Variants in CDK5R1 observed in about 807,000 individuals in gnomAD.
CDK5R1 encodes cyclin-dependent kinase 5 activator 1.
A neutral mutation model predicts 19.0 loss-of-function variants in CDK5R1; 1 was observed. That is an observed-to-expected ratio of 0.05 (90% CI 0.02 to 0.25). The LOEUF (loss-of-function observed/expected upper bound fraction) is 0.25, where lower values mean the gene tolerates loss of function less well. Among genes scored for constraint, CDK5R1 ranks in the 10% least tolerant of loss-of-function variants. The pLI, the probability that CDK5R1 is intolerant of heterozygous loss-of-function variation, is 1.00. For missense variants in CDK5R1, 314 were observed against 401.0 expected (o/e 0.78, Z 1.85); for synonymous variants, 225 against 187.7 (o/e 1.20, Z -1.62).
Position 32,487,471 on chromosome 17 carries a change from TC to T in CDK5R1, c.-145-3del, listed in dbSNP as rs1266967467. The T allele has an allele frequency of 8.5e-6, 5 of 587,134 alleles. No individual in the cohort carries two copies. Among genetic ancestry groups the T allele is most frequent in the Admixed American group, 6.8e-5 (2 of 29,312 alleles). 36.4% of individuals were successfully genotyped at this position (587,134 alleles called of 1,614,324 possible). ...CCTGGCGCTAAGAACCATCTTGTTT[TC>T]CAGGCAGATCCAAGGGGGCAGCACG... On this transcript the variant is annotated splice_region_variant and splice_polypyrimidine_tract_variant and intron_variant, in intron 1 of 1. Coordinates refer to ENST00000313401, the MANE Select transcript of CDK5R1 (RefSeq NM_003885.3). The surrounding 1 kb of genome is among the most constrained non-coding windows in gnomAD (Gnocchi z 7.9).
Position 32,489,106 on chromosome 17 carries a change from A to G in CDK5R1, c.*562A>G. ...TGGAAAGATTGTGTCTGGTCGTTTGACCACACACCGCCCTGATTTGCTGTT... is the reference window on the plus strand; with the variant it reads ...TGGAAAGATTGTGTCTGGTCGTTTGGCCACACACCGCCCTGATTTGCTGTT... On this transcript the variant is annotated 3_prime_UTR_variant, in exon 2 of 2. Transcript: ENST00000313401. 2.1e-6 allele frequency: 1 copy of G among 470,318 alleles called. No homozygotes were observed. The highest frequency in any genetic ancestry group is 4.4e-6 in the Non-Finnish European group (1 of 226,696). The allele number at this position is 470,318 out of a possible 1,614,324, so 29.1% of individuals were successfully genotyped here.
rs1192463903 is a variant in CDK5R1, at chr17:32,487,734, C to T, written c.114C>T (p.Asp38=). Residue 38 remains aspartate, a synonymous_variant, in exon 2 of 2, where the codon GAC becomes GAT. Transcript: ENST00000313401. The surrounding 1 kb of genome is among the most constrained non-coding windows in gnomAD (Gnocchi z 7.9). ...TAVQNSKNAK[D]KNLKRHSIIS... is the part of the protein sequence containing the mutation. ...TACAGAACAGCAAGAACGCCAAGGA[C>T]AAGAACCTGAAGCGCCACTCCATCA... 4 of 1,613,960 alleles carry T rather than the reference C, an allele frequency of 2.5e-6. No individual in the cohort carries two copies. The African/African-American group carries it at 5.3e-5, about 22-fold the overall frequency.
chr17:32,487,587 G>A lies in CDK5R1; in HGVS notation c.-34G>A. On this transcript the variant is annotated 5_prime_UTR_variant, in exon 2 of 2. Coordinates refer to ENST00000313401, the MANE Select transcript of CDK5R1 (RefSeq NM_003885.3). The surrounding 1 kb of genome is among the most constrained non-coding windows in gnomAD (Gnocchi z 7.9). ...TCCGGCCGGCAGGCTGGGCGCGCAG[G>A]GGCGCGAGCCCCCGCCCGGCGCGCA... 2 of 1,576,246 alleles carry A rather than the reference G, an allele frequency of 1.3e-6. No homozygotes were observed. The highest frequency in any genetic ancestry group is 1.7e-6 in the Non-Finnish European group (2 of 1,159,968).
Position 32,489,438 on chromosome 17 carries a change from C to G in CDK5R1, c.*894C>G. On this transcript the variant is annotated 3_prime_UTR_variant, in exon 2 of 2. Coordinates refer to ENST00000313401, the MANE Select transcript of CDK5R1 (RefSeq NM_003885.3). ...AGGGATGCCATACCTTGAGACCAAG[C>G]CGGTGCCCACCTAAGGGCTAAGGCC... 2.6e-6 allele frequency: 1 copy of G among 388,816 alleles called. No homozygotes were observed. 24.1% of individuals were successfully genotyped at this position (388,816 alleles called of 1,614,324 possible).
At position 32,487,876 on chromosome 17, in the gene CDK5R1, C is replaced by G; in HGVS notation, c.256C>G (p.Leu86Val). ...NNITHLNNENLKKSLSCANLS... is the reference protein window; with the variant it reads ...NNITHLNNENVKKSLSCANLS... The stretch of plus-strand genomic sequence containing the variant: ...CATCACGCACCTCAACAATGAGAAC[C>G]TGAAGAAGTCGCTGTCGTGCGCCAA... The change falls in exon 2 of 2, where the codon CTG becomes GTG. Residue 86 changes from leucine to valine, a missense_variant. Physicochemically the swap from Leu to Val is conservative, Grantham distance 32. Transcript: ENST00000313401. The surrounding 1 kb of genome is among the most constrained non-coding windows in gnomAD (Gnocchi z 7.9). 6.2e-7 allele frequency: 1 copy of G among 1,613,954 alleles called. No individual in the cohort carries two copies. Among genetic ancestry groups the G allele is most frequent in the Non-Finnish European group, 8.5e-7 (1 of 1,180,018 alleles).
Position 32,488,395 on chromosome 17 carries a change from G to A in CDK5R1, c.775G>A (p.Asp259Asn). 1 of 1,613,980 alleles carries A rather than the reference G, an allele frequency of 6.2e-7. No homozygotes were observed. Among genetic ancestry groups the A allele is most frequent in the East Asian group, 2.2e-5 (1 of 44,868 alleles). Reference sequence around the variant, plus strand: ...GGAGAGCTGCAAGGAGGCCTTTTGGGACCGTTGCCTCTCTGTCATCAACCT... The same window carrying A: ...GGAGAGCTGCAAGGAGGCCTTTTGGAACCGTTGCCTCTCTGTCATCAACCT... ...LVESCKEAFW[D>N]RCLSVINLMS... Residue 259 changes from aspartate (D) to asparagine (N), a missense_variant, in exon 2 of 2, where the codon GAC (aspartate) becomes AAC (asparagine). Coordinates refer to ENST00000313401, the MANE Select transcript of CDK5R1 (RefSeq NM_003885.3).
Position 32,488,413 on chromosome 17 carries a change from A to G in CDK5R1, c.793A>G (p.Ile265Val). 3 of 1,613,972 alleles carry G rather than the reference A, an allele frequency of 1.9e-6. No individual in the cohort carries two copies. The highest frequency in any genetic ancestry group is 2.5e-6 in the Non-Finnish European group (3 of 1,179,992). Residue 265 changes from isoleucine to valine, a missense_variant, in exon 2 of 2, where the codon ATC (isoleucine) becomes GTC (valine). Coordinates refer to ENST00000313401, the MANE Select transcript of CDK5R1 (RefSeq NM_003885.3). Reference protein sequence around the residue: ...EAFWDRCLSVINLMSSKMLQI... With the variant: ...EAFWDRCLSVVNLMSSKMLQI... The stretch of plus-strand genomic sequence containing the variant: ...CTTTTGGGACCGTTGCCTCTCTGTC[A>G]TCAACCTCATGAGCTCAAAGATGCT...
Position 32,487,160 on chromosome 17 carries a change from CG to C in CDK5R1, c.-146+1del, listed in dbSNP as rs1449989015. The C allele has an allele frequency of 6.8e-6, 1 of 146,920 alleles. No individual in the cohort carries two copies. Among genetic ancestry groups the C allele is most frequent in the Admixed American group, 6.8e-5 (1 of 14,796 alleles). 9.1% of individuals were successfully genotyped at this position (146,920 alleles called of 1,614,324 possible). On this transcript the variant is annotated splice_region_variant and 5_prime_UTR_variant, in exon 1 of 2. Coordinates refer to ENST00000313401, the MANE Select transcript of CDK5R1 (RefSeq NM_003885.3). This position sits in a 1 kb window ranked among gnomAD's most constrained non-coding sequence, Gnocchi z 7.9. ...GCGGAGCGCAGGAGCTGCCGCCTGC[CG>C]GGTAAGCCTGCGCTGGGCGGCCGTC...
rs372155940 is a variant in CDK5R1 at position 32,487,596 on chromosome 17, C to T, written c.-25C>T. On this transcript the variant is annotated 5_prime_UTR_variant, in exon 2 of 2. Coordinates refer to ENST00000313401, the MANE Select transcript of CDK5R1 (RefSeq NM_003885.3). The surrounding 1 kb of genome is among the most constrained non-coding windows in gnomAD (Gnocchi z 7.9). ...CAGGCTGGGCGCGCAGGGGCGCGAGCCCCCGCCCGGCGCGCAGCAGCACCA... is the reference window on the plus strand; with the variant it reads ...CAGGCTGGGCGCGCAGGGGCGCGAGTCCCCGCCCGGCGCGCAGCAGCACCA... 17 of 1,591,804 alleles carry T rather than the reference C, an allele frequency of 1.1e-5. No individual in the cohort carries two copies. The highest frequency in any genetic ancestry group is 2.2e-5 in the East Asian group (1 of 44,472).
chr17:32,487,020 G>C lies in CDK5R1; in HGVS notation c.-288G>C, dbSNP rs1908688471. On this transcript the variant is annotated 5_prime_UTR_variant, in exon 1 of 2. Transcript: ENST00000313401. The surrounding 1 kb of genome is among the most constrained non-coding windows in gnomAD (Gnocchi z 7.9). ...AAGCTCCCTAGCTGCCGCCGCCGCCGCCGCCGCCGTCGCCGCCGCCGAGCG... is the reference window on the plus strand; with the variant it reads ...AAGCTCCCTAGCTGCCGCCGCCGCCCCCGCCGCCGTCGCCGCCGCCGAGCG... 1 of 154,974 alleles carries C rather than the reference G, an allele frequency of 6.5e-6. No individual in the cohort carries two copies. Among genetic ancestry groups the C allele is most frequent in the African/African-American group, 2.5e-5 (1 of 40,734 alleles). The allele number at this position is 154,974 out of a possible 1,614,324, so 9.6% of individuals were successfully genotyped here.
Position 32,489,335 on chromosome 17 carries a change from T to G in CDK5R1, c.*791T>G, listed in dbSNP as rs1180459209. 23 of 467,528 alleles carry G rather than the reference T, an allele frequency of 4.9e-5. No homozygotes were observed. Among genetic ancestry groups the G allele is most frequent in the Middle Eastern group, 3.4e-4 (1 of 2,950 alleles). 29.0% of individuals were successfully genotyped at this position (467,528 alleles called of 1,614,324 possible). ...CTGGGTGAGTTTTTCTTTTGAATAA[T>G]GTAGTGCAGTCACCCTGTGGCAAAT... On this transcript the variant is annotated 3_prime_UTR_variant, in exon 2 of 2. Transcript: ENST00000313401.
At position 32,487,559 on chromosome 17, in the gene CDK5R1, C is replaced by A; in HGVS notation, c.-62C>A. The A allele has an allele frequency of 7.0e-7, 1 of 1,420,358 alleles. No homozygotes were observed. Among genetic ancestry groups the A allele is most frequent in the South Asian group, 1.2e-5 (1 of 80,242 alleles). The allele number at this position is 1,420,358 out of a possible 1,614,324, so 88.0% of individuals were successfully genotyped here. A position where few individuals can be genotyped will look rare whatever the true frequency, so the allele number is the denominator to read the frequency against. On this transcript the variant is annotated 5_prime_UTR_variant, in exon 2 of 2. Coordinates refer to ENST00000313401, the MANE Select transcript of CDK5R1 (RefSeq NM_003885.3). This position sits in a 1 kb window ranked among gnomAD's most constrained non-coding sequence, Gnocchi z 7.9. ...CCGCAGGCTCGGTGAGCGGTTTTAT[C>A]CCTCCGGCCGGCAGGCTGGGCGCGC...
rs767573470 is a variant in CDK5R1, at chr17:32,488,308, C to A, written c.688C>A (p.Leu230Met). ...HELQAVLLTCLYLSYSYMGNE... is the reference protein window; with the variant it reads ...HELQAVLLTCMYLSYSYMGNE... ...GCTCCAGGCCGTCCTGCTGACATGC[C>A]TGTACCTCTCCTACTCCTACATGGG... Residue 230 changes from leucine to methionine, a missense_variant, in exon 2 of 2, where the codon CTG becomes ATG. Around this residue, in one of 3 missense-constraint regions of CDK5R1, gnomAD observed 106 missense variants for 132.1 expected, o/e 0.80. Transcript: ENST00000313401. 6.2e-7 allele frequency: 1 copy of A among 1,614,160 alleles called. No individual in the cohort carries two copies.
chr17:32,488,721 G>C lies in CDK5R1; in HGVS notation c.*177G>C, dbSNP rs1908767538. On this transcript the variant is annotated 3_prime_UTR_variant, in exon 2 of 2. Transcript: ENST00000313401. ...GAACTCTGGGCACTTTTGAACTCACGAGCCTTGCGCAAAACCCAGAAGATG... is the reference window on the plus strand; with the variant it reads ...GAACTCTGGGCACTTTTGAACTCACCAGCCTTGCGCAAAACCCAGAAGATG... 1 of 1,212,012 alleles carries C rather than the reference G, an allele frequency of 8.3e-7. No homozygotes were observed. Among genetic ancestry groups the C allele is most frequent in the Non-Finnish European group, 1.2e-6 (1 of 858,698 alleles). The allele number at this position is 1,212,012 out of a possible 1,614,324, so 75.1% of individuals were successfully genotyped here.
chr17:32,489,410 G>T lies in CDK5R1; in HGVS notation c.*866G>T, dbSNP rs1908793400. On this transcript the variant is annotated 3_prime_UTR_variant, in exon 2 of 2. Coordinates refer to ENST00000313401, the MANE Select transcript of CDK5R1 (RefSeq NM_003885.3). ...TAGCAACGCCTGCCTTCTGGGCAAG[G>T]TGAGGGATGCCATACCTTGAGACCA... 9.6e-6 allele frequency: 4 copies of T among 416,474 alleles called. No individual in the cohort carries two copies. The highest frequency in any genetic ancestry group is 1.0e-5 in the Non-Finnish European group (2 of 198,532). The allele number at this position is 416,474 out of a possible 1,614,324, so 25.8% of individuals were successfully genotyped here.
chr17:32,488,539 C>G lies in CDK5R1; in HGVS notation c.919C>G (p.Arg307Gly). 6.2e-7 allele frequency: 1 copy of G among 1,614,096 alleles called. No homozygotes were observed. Among genetic ancestry groups the G allele is most frequent in the Non-Finnish European group, 8.5e-7 (1 of 1,180,020 alleles). Reference sequence around the variant, plus strand: ...GAAGCGGCTCCTCCTAGGCCTGGATCGGTGAGCACTGTAGCCTGCGTCATG... The same window carrying G: ...GAAGCGGCTCCTCCTAGGCCTGGATGGGTGAGCACTGTAGCCTGCGTCATG... Reference protein sequence around the residue: ...DKKRLLLGLDR With the variant: ...DKKRLLLGLDG Residue 307 changes from arginine (R) to glycine (G), a missense_variant, in exon 2 of 2, where the codon CGG (arginine) becomes GGG (glycine). Physicochemically the swap from Arg to Gly is moderately radical, Grantham distance 125. This residue lies in a region of CDK5R1 where 106 missense variants were observed against 132.1 expected (regional missense o/e 0.80). Coordinates refer to ENST00000313401, the MANE Select transcript of CDK5R1 (RefSeq NM_003885.3).
rs8192474 is a variant in CDK5R1 at position 32,488,663 on chromosome 17, G to A, written c.*119G>A. The stretch of plus-strand genomic sequence containing the variant: ...CACCAAGGGCCTCACCTTTCCCACA[G>A]TCTCTCCCTGGGGTTTTTTTCATCC... On this transcript the variant is annotated 3_prime_UTR_variant, in exon 2 of 2. Transcript: ENST00000313401. 0.36 allele frequency: 540,172 copies of A among 1,521,590 alleles called. 106,296 individuals are homozygous for A. The highest frequency in any genetic ancestry group is 0.4 in the Non-Finnish European group (451,082 of 1,122,738). The allele number at this position is 1,521,590 out of a possible 1,614,324, so 94.3% of individuals were successfully genotyped here. A position where few individuals can be genotyped will look rare whatever the true frequency, so the allele number is the denominator to read the frequency against.
chr17:32,488,853 G>A lies in CDK5R1; in HGVS notation c.*309G>A, dbSNP rs1908771604. On this transcript the variant is annotated 3_prime_UTR_variant, in exon 2 of 2. Coordinates refer to ENST00000313401, the MANE Select transcript of CDK5R1 (RefSeq NM_003885.3). Reference sequence around the variant, plus strand: ...TGGGTCCAGGGTAGGCAAGGCTGCCGGCTGCACCCTGTATGGAGCTAGAGA... The same window carrying A: ...TGGGTCCAGGGTAGGCAAGGCTGCCAGCTGCACCCTGTATGGAGCTAGAGA... 1 of 428,854 alleles carries A rather than the reference G, an allele frequency of 2.3e-6. No homozygotes were observed. The highest frequency in any genetic ancestry group is 4.5e-6 in the Non-Finnish European group (1 of 221,754). The allele number at this position is 428,854 out of a possible 1,614,324, so 26.6% of individuals were successfully genotyped here. A position where few individuals can be genotyped will look rare whatever the true frequency, so the allele number is the denominator to read the frequency against.
chr17:32,488,034 G>A lies in CDK5R1; in HGVS notation c.414G>A (p.Thr138=), dbSNP rs1231900834. Residue 138 remains threonine (T), a synonymous_variant, in exon 2 of 2, where the codon ACG becomes ACA. Transcript: ENST00000313401. The stretch of plus-strand genomic sequence containing the variant: ...ACCCTGCCGTCACCTCCGCAGGGAC[G>A]CCCAAACGGGTCATCGTCCAGGCGT... ...APHPAVTSAG[T]PKRVIVQAST... is the part of the protein sequence containing the mutation. 6 of 1,612,236 alleles carry A rather than the reference G, an allele frequency of 3.7e-6. No individual in the cohort carries two copies. In the East Asian group the frequency reaches 1.1e-4, roughly 30 times the overall value.
Sources: gnomAD v4.1 joint callset for allele counts on GRCh38, gnomAD v4.1.1 for gene constraint, gnomAD v4.1.1 regional missense constraint, Gnocchi (gnomAD v3.1) non-coding constraint, MANE v1.5 for transcripts, NCBI Gene and HGNC (gene_info 2026-07-23, HGNC 2026-07-21) for gene names.